The following SCMH1 variants were observed in gnomAD, a reference collection of about 807,000 sequenced individuals.
SCMH1 encodes the protein polycomb protein SCMH1.
SCMH1 carries 37 observed loss-of-function variants against 70.8 expected under a neutral mutation model. The ratio of observed to expected loss-of-function variants is 0.52; its 90% CI spans 0.40 to 0.69. SCMH1 has a LOEUF of 0.69. Ranked by LOEUF, SCMH1 falls within the 30% of genes least tolerant of loss-of-function variation. The pLI is 0.00. For missense variants in SCMH1, 607 were observed against 827.3 expected (o/e 0.73, Z 3.27); for synonymous variants, 292 against 307.4 (o/e 0.95, Z 0.52).
intron 5 of SCMH1, among the ~76,000 whole-genome samples, chr1:41,149,120 C>T (rs1379394446): frequency 6.6e-6 from 1 of 152,082 alleles, no homozygotes; most frequent in African/African-American, 2.4e-5. Context: ...AAATTTTAGC[C>T]ATTATTTCTT....
At chr1:41,093,486 G>A (rs1038847439) in intron 8 of SCMH1, among the ~76,000 whole-genome samples, 4 of 152,192 alleles carry the variant, frequency 2.6e-5, no homozygotes, top group Non-Finnish European at 4.4e-5. Context: ...AAACCTGCAC[G>A]TTGTGCACGT....
At chr1:41,033,511 C>T (rs1644843387) in intron 13 of SCMH1, among the ~76,000 whole-genome samples, 1 of 152,034 alleles carries the variant, frequency 6.6e-6, no homozygotes, top group Non-Finnish European at 1.5e-5. Flanking sequence ...AGTGACTTGC[C>T]CTGTCTTTTC....
At chr1:41,128,425 T>C (rs1673762774) in intron 6 of SCMH1, among the ~76,000 whole-genome samples, 1 of 152,194 alleles carries the variant, frequency 6.6e-6, no homozygotes, top group Non-Finnish European at 1.5e-5. Flanking sequence ...CATTCTTGCT[T>C]GGTATAGAAT....
intron 10 of SCMH1, among the ~76,000 whole-genome samples, chr1:41,055,694 A>G (rs1350283570): frequency 6.6e-6 from 1 of 152,244 alleles, no homozygotes; most frequent in Non-Finnish European, 1.5e-5. Flanking sequence ...TTGAAAAGAA[A>G]GCATCTATAA....
intron 1 of SCMH1, among the ~76,000 whole-genome samples, chr1:41,192,495 G>GCCACACACACACACAC (rs1651942313): frequency 6.7e-6 from 1 of 148,646 alleles, no homozygotes; most frequent in African/African-American, 2.5e-5. Context: ...TTAAATAGGA[G>GCCACACACACACACAC]ACACACACAC....
intron 2 of SCMH1, among the ~76,000 whole-genome samples, chr1:41,181,100 C>T (rs1043624920): frequency 4.6e-5 from 7 of 152,170 alleles, no homozygotes; most frequent in Admixed American, 2.0e-4. Context: ...AATGGGGAAA[C>T]GATTCCCTAT....
At chr1:41,111,337 T>C (rs1669193433) in intron 8 of SCMH1, among the ~76,000 whole-genome samples, 2 of 152,182 alleles carry the variant, frequency 1.3e-5, no homozygotes, top group African/African-American at 4.8e-5. Context: ...CAACATCATC[T>C]TGCACTGCTT....
At chr1:41,213,582 A>G (rs2148812161) in intron 1 of SCMH1, among the ~76,000 whole-genome samples, 1 of 152,172 alleles carries the variant, frequency 6.6e-6, no homozygotes, top group East Asian at 1.9e-4. Flanking sequence ...CAGAGAGACC[A>G]AGAAGAATCT....
At chr1:41,152,596 C>T (rs1264914661) in intron 4 of SCMH1, 1 of 1,614,100 alleles carries the variant, frequency 6.2e-7, no homozygotes, top group Non-Finnish European at 8.5e-7. Context: ...CCCTAATACC[C>T]ACCTAGAGGT....
intron 4 of SCMH1, chr1:41,159,781 C>G: frequency 6.7e-7 from 1 of 1,499,298 alleles, no homozygotes; most frequent in Non-Finnish European, 8.9e-7. Flanking sequence ...TGCTTCACTT[C>G]AAAGAATGTC....
chr1:41,190,206 G>GA (rs1211347705), intron 1 of SCMH1, among the ~76,000 whole-genome samples: 6 of 152,164 alleles, frequency 3.9e-5, no homozygotes, highest in Admixed American at 6.5e-5. Context: ...AAAGCAACAA[G>GA]AAGAGTGAGA....
At chr1:41,162,083 AG>A (rs1646079858) in intron 2 of SCMH1, among the ~76,000 whole-genome samples, 1 of 152,112 alleles carries the variant, frequency 6.6e-6, no homozygotes, top group Admixed American at 6.5e-5. Context: ...CTGCAAACCC[AG>A]ACCTCCTGCT....
intron 4 of SCMH1, chr1:41,159,606 T>C (rs898281292): frequency 1.7e-6 from 2 of 1,147,402 alleles, no homozygotes; most frequent in African/African-American, 1.6e-5. Flanking sequence ...TTGGTTCAAA[T>C]TGTCTGACTC....
intron 2 of SCMH1, among the ~76,000 whole-genome samples, chr1:41,178,037 C>T (rs1647487647): frequency 6.6e-6 from 1 of 152,216 alleles, no homozygotes; most frequent in Admixed American, 6.5e-5. Flanking sequence ...AACAGCTGTT[C>T]TCTCGGCAGA....
chr1:41,123,278 C>A (rs752527296), intron 6 of SCMH1, among the ~76,000 whole-genome samples: 14 of 152,134 alleles, frequency 9.2e-5, no homozygotes, highest in Non-Finnish European at 2.1e-4. Flanking sequence ...ATAGTCCATG[C>A]CCTCTGGTGG....
rs186697379 is a variant in SCMH1, at chr1:41,186,194, C to T, written c.-61G>A. 1.1e-4 allele frequency: 100 copies of T among 915,692 alleles called. No individual in the cohort carries two copies. Among genetic ancestry groups the T allele is most frequent in the Non-Finnish European group, 1.5e-4 (83 of 568,256 alleles). The allele number at this position is 915,692 out of a possible 1,614,324, so 56.7% of individuals were successfully genotyped here. ...AGTTTGGGATTTATCCCTGGATCCA[C>T]CAATACCTTGCTCTGACTTCTGACA... is the stretch of plus-strand genomic sequence containing the variant. On this transcript the variant is annotated 5_prime_UTR_variant, in exon 2 of 15. It adds an upstream start codon to the 5' untranslated region. Coordinates refer to ENST00000337495, the Ensembl canonical transcript of SCMH1.
chr1:41,187,290 C>G (rs970202539), intron 1 of SCMH1, among the ~76,000 whole-genome samples: 7 of 151,608 alleles, frequency 4.6e-5, no homozygotes, highest in Admixed American at 1.3e-4. Flanking sequence ...GGCGAAACCC[C>G]ATCTCTACTA....
At chr1:41,119,379 T>C (rs1335346128) in intron 6 of SCMH1, among the ~76,000 whole-genome samples, 1 of 151,144 alleles carries the variant, frequency 6.6e-6, no homozygotes, top group African/African-American at 2.4e-5. Context: ...TTCCTATCAC[T>C]CAATCTAAAA....
At chr1:41,232,021 CA>C (rs58506638) in intron 1 of SCMH1, among the ~76,000 whole-genome samples, 34,404 of 96,180 alleles carry the variant, frequency 0.36, 4,045 homozygotes, top group Middle Eastern at 0.42. Flanking sequence ...AAGACTGTCT[CA>C]AAAAAAAAAA....
Sources: allele counts gnomAD v4.1 joint callset (sites outside exome capture counted in the v4.1 genomes callset), GRCh38; gene constraint gnomAD v4.1.1; transcripts MANE v1.5; gene names NCBI Gene and HGNC (gene_info 2026-07-23, HGNC 2026-07-21).